Variants in PCDHA13 observed in about 807,000 individuals in gnomAD.
PCDHA13 encodes the protein protocadherin alpha 13.
Under a neutral mutation model 64.8 loss-of-function variants are expected in PCDHA13, and 54 were observed. The observed-to-expected ratio is 0.83, with a 90% CI of 0.67 to 1.04. PCDHA13 has a LOEUF of 1.04. PCDHA13 is among the 50% of genes least tolerant of loss of function. The pLI is 0.00. For synonymous variants in PCDHA13, 587 were observed against 564.4 expected, an observed-to-expected ratio of 1.04 and a Z score of -0.57; for missense variants, 1,248 against 1,254.3, an observed-to-expected ratio of 0.99 and a Z score of 0.08.
intron 1 of PCDHA13, chr5:140,968,750 G>A: frequency 6.2e-7 from 1 of 1,614,144 alleles, no homozygotes; most frequent in Non-Finnish European, 8.5e-7. Context: ...GACCGTGGTG[G>A]TCCGAGATAA....
At chr5:141,007,933 A>T (rs1168610845) in intron 3 of PCDHA13, among the ~76,000 whole-genome samples, 1 of 152,212 alleles carries the variant, frequency 6.6e-6, no homozygotes, top group African/African-American at 2.4e-5. Context: ...TGGAATTCTA[A>T]GCCACCTTTT....
At chr5:140,973,665 T>G (rs1309458037) in intron 1 of PCDHA13, among the ~76,000 whole-genome samples, 1 of 152,248 alleles carries the variant, frequency 6.6e-6, no homozygotes, top group African/African-American at 2.4e-5. Context: ...CTATTTATTG[T>G]AGCTTGAATG....
chr5:140,934,511 T>G (rs999288213), intron 1 of PCDHA13, among the ~76,000 whole-genome samples: 1 of 152,210 alleles, frequency 6.6e-6, no homozygotes. Context: ...AAAGGGTCCA[T>G]AGACCACACT....
At position 140,883,585 on chromosome 5, in the gene PCDHA13, C is replaced by T. The variant is rs782326010; in HGVS notation, c.1317C>T (p.Ala439=). 7 of 1,613,932 alleles carry T rather than the reference C, an allele frequency of 4.3e-6. No individual in the cohort carries two copies. The highest frequency in any genetic ancestry group is 4.5e-5 in the East Asian group (2 of 44,840). ...DGGSPSLWAT[A]SVSVGVADVN... Reference sequence around the variant, plus strand: ...GCTCGCCTTCGCTGTGGGCCACGGCCAGCGTGTCGGTGGGGGTGGCCGACG... The same window carrying T: ...GCTCGCCTTCGCTGTGGGCCACGGCTAGCGTGTCGGTGGGGGTGGCCGACG... Residue 439 remains alanine (A), a synonymous_variant, in exon 1 of 4, where the codon GCC becomes GCT. Transcript: ENST00000289272.
intron 1 of PCDHA13, among the ~76,000 whole-genome samples, chr5:140,894,823 A>G (rs933081275): frequency 2.0e-5 from 3 of 152,080 alleles, no homozygotes; most frequent in Non-Finnish European, 2.9e-5. Context: ...AGATTTGCCC[A>G]TAATCCTTTT....
chr5:140,928,635 A>G lies in PCDHA13; in HGVS notation c.2394+43973A>G, dbSNP rs148091714. On this transcript the variant is annotated intron_variant, in intron 1 of 3. Transcript: ENST00000289272. ...CTGCCAGGACTGGACACTTGGTCAC[A>G]AAAGTGGTAGCAGAGGATGCTGACA... is the stretch of plus-strand genomic sequence containing the variant. 6 of 1,614,104 alleles carry G rather than the reference A, an allele frequency of 3.7e-6. No individual in the cohort carries two copies. The Middle Eastern group carries it at 4.9e-4, about 133-fold the overall frequency.
In PCDHA13 at chr5:140,883,517, A is replaced by G; in HGVS notation, c.1249A>G (p.Ser417Gly). ...LVLDSALDRE[S>G]VSAYELVVTA... Reference sequence around the variant, plus strand: ...GCTGGACAGCGCCCTGGACCGCGAGAGCGTATCAGCCTATGAACTGGTGGT... The same window carrying G: ...GCTGGACAGCGCCCTGGACCGCGAGGGCGTATCAGCCTATGAACTGGTGGT... Residue 417 changes from serine (S) to glycine (G), a missense_variant, in exon 1 of 4, where the codon AGC (serine) becomes GGC (glycine). By Grantham distance (56) the Ser-to-Gly change is moderately conservative. Transcript: ENST00000289272. 6.2e-7 allele frequency: 1 copy of G among 1,614,162 alleles called. No individual in the cohort carries two copies. Among genetic ancestry groups the G allele is most frequent in the Non-Finnish European group, 8.5e-7 (1 of 1,180,028 alleles).
chr5:140,917,370 C>G (rs571895312), intron 1 of PCDHA13, among the ~76,000 whole-genome samples: 24 of 150,458 alleles, frequency 1.6e-4, no homozygotes, highest in African/African-American at 5.8e-4. Context: ...CTATCTTGCT[C>G]CACCTCAATA....
chr5:141,000,136 G>A (rs2097893947), intron 3 of PCDHA13, among the ~76,000 whole-genome samples: 2 of 152,034 alleles, frequency 1.3e-5, no homozygotes, highest in South Asian at 4.1e-4. Flanking sequence ...TTCACAAGAA[G>A]TAAACAAAAC....
intron 3 of PCDHA13, among the ~76,000 whole-genome samples, chr5:140,985,239 A>C (rs2097143502): frequency 6.6e-6 from 1 of 152,008 alleles, no homozygotes; most frequent in South Asian, 2.1e-4. Flanking sequence ...GCCTGGCCTA[A>C]TCTTCTTACT....
chr5:140,967,073 G>T, intron 1 of PCDHA13: 1 of 1,613,160 alleles, frequency 6.2e-7, no homozygotes, highest in Non-Finnish European at 8.5e-7. Flanking sequence ...CTTCGTCAAC[G>T]AGCGCATTGA....
At chr5:140,896,022 GC>G (rs2065315462) in intron 1 of PCDHA13, among the ~76,000 whole-genome samples, 3 of 152,138 alleles carry the variant, frequency 2.0e-5, no homozygotes, top group Admixed American at 1.3e-4. Context: ...TGTTGGCCAG[GC>G]TGGTCTCGAA....
At chr5:140,918,036 C>G (rs1423930397) in intron 1 of PCDHA13, among the ~76,000 whole-genome samples, 1 of 152,036 alleles carries the variant, frequency 6.6e-6, no homozygotes, top group Non-Finnish European at 1.5e-5. Flanking sequence ...CGTGGAAGGT[C>G]TTTCCATTTG....
In PCDHA13 at chr5:141,003,093, C is replaced by T. The variant is rs80317990; in HGVS notation, c.2543-6534C>T. 2.0e-4 allele frequency among the ~76,000 whole-genome samples: 30 copies of T among 152,330 alleles called. No individual in the cohort carries two copies. The East Asian group carries it at 5.4e-3, about 27-fold the overall frequency. ...ATGAGGGTGAGTTTAACAGGCCTGG[C>T]ATTTGCTTCACAATCTTCTGGCCCT... On this transcript the variant is annotated intron_variant, in intron 3 of 3. Coordinates refer to ENST00000289272, the MANE Select transcript of PCDHA13 (RefSeq NM_018904.3).
chr5:140,973,653 A>G (rs2096597249), intron 1 of PCDHA13, among the ~76,000 whole-genome samples: 1 of 152,202 alleles, frequency 6.6e-6, no homozygotes, highest in African/African-American at 2.4e-5. Context: ...TGAAGAAGAA[A>G]TCTATTTATT....
At chr5:140,916,978 C>T (rs907014572) in intron 1 of PCDHA13, among the ~76,000 whole-genome samples, 13 of 152,270 alleles carry the variant, frequency 8.5e-5, no homozygotes, top group South Asian at 2.1e-4. Context: ...ATGAGTGATT[C>T]GCCTCTGGCC....
chr5:140,969,168 C>T (rs1554231530), intron 1 of PCDHA13: 2 of 1,614,088 alleles, frequency 1.2e-6, no homozygotes, highest in Non-Finnish European at 1.7e-6. Flanking sequence ...ACAGCAGGCT[C>T]AGGGAGTGAC....
chr5:140,963,538 C>T (rs1450528022), intron 1 of PCDHA13, among the ~76,000 whole-genome samples: 2 of 152,188 alleles, frequency 1.3e-5, no homozygotes, highest in Non-Finnish European at 2.9e-5. Flanking sequence ...CCATTTACTT[C>T]ATGATATAAA....
At position 140,883,614 on chromosome 5, in the gene PCDHA13, A is replaced by G. The variant is rs2059700095; in HGVS notation, c.1346A>G (p.Asn449Ser). The change falls in exon 1 of 4, where the codon AAC (asparagine) becomes AGC (serine). Residue 449 changes from asparagine (N) to serine (S), a missense_variant. By Grantham distance (46) the Asn-to-Ser change is conservative. Transcript: ENST00000289272. ...ASVSVGVADVNDNAPAFAQPE... is the reference protein window; with the variant it reads ...ASVSVGVADVSDNAPAFAQPE... ...GTGTCGGTGGGGGTGGCCGACGTGAACGACAACGCGCCGGCGTTCGCGCAG... is the reference window on the plus strand; with the variant it reads ...GTGTCGGTGGGGGTGGCCGACGTGAGCGACAACGCGCCGGCGTTCGCGCAG... The G allele has an allele frequency of 6.2e-7, 1 of 1,613,816 alleles. No homozygotes were observed. The highest frequency in any genetic ancestry group is 1.1e-5 in the South Asian group (1 of 91,082).
Sources: gnomAD v4.1 joint callset for allele counts (sites outside exome capture counted in the v4.1 genomes callset) on GRCh38, gnomAD v4.1.1 for gene constraint, MANE v1.5 for transcripts, NCBI Gene and HGNC (gene_info 2026-07-23, HGNC 2026-07-21) for gene names.